ZNF157: variants seen among roughly 807,000 people sequenced by gnomAD.
ZNF157 encodes the protein zinc finger protein 157.
Under a neutral mutation model 9.4 loss-of-function variants are expected in ZNF157, and 8 were observed. The ratio of observed to expected loss-of-function variants is 0.85; its 90% confidence interval spans 0.50 to 1.53. ZNF157 has a LOEUF of 1.53. Ranked by LOEUF, ZNF157 falls within the 40% of genes most tolerant of loss-of-function variation. ZNF157 has a pLI of 0.00. For synonymous variants in ZNF157, 120 were observed against 130.8 expected (o/e 0.92, Z 0.56); for missense variants, 316 against 385.2 (o/e 0.82, Z 1.50).
At chrX:47,378,045 A>G (rs2055850262) in intron 1 of ZNF157, among the ~76,000 whole-genome samples, 1 of 111,481 alleles carries the variant, frequency 9.0e-6, no homozygotes, top group Admixed American at 9.7e-5. Flanking sequence ...AGAAAGAATA[A>G]TTCACGCAGA....
chrX:47,382,726 A>G (rs1238741804), intron 1 of ZNF157, among the ~76,000 whole-genome samples: 1 of 109,196 alleles, frequency 9.2e-6, no homozygotes, highest in African/African-American at 3.3e-5. Context: ...TAAGTATAGG[A>G]CTGTGTAACA....
At chrX:47,371,132 G>A (rs1381669851) in intron 1 of ZNF157, among the ~76,000 whole-genome samples, 1 of 111,347 alleles carries the variant, frequency 9.0e-6, no homozygotes, top group East Asian at 2.8e-4. Context: ...GCGGCCAGGA[G>A]TTTGAGACCA....
Position 47,413,736 on chromosome X carries a change from G to T in ZNF157, c.*142G>T. 4 of 985,356 alleles carry T rather than the reference G, an allele frequency of 4.1e-6. No homozygotes were observed. Among genetic ancestry groups the T allele is most frequent in the Non-Finnish European group, 5.3e-6 (4 of 752,794 alleles). 81.2% of individuals were successfully genotyped at this position (985,356 alleles called of 1,213,427 possible). A position where few individuals can be genotyped will look rare whatever the true frequency, so the allele number is the denominator to read the frequency against. On this transcript the variant is annotated 3_prime_UTR_variant, in exon 4 of 4. Transcript: ENST00000377073. ...GGGGATAGCTCATTGTTTTTATTCA[G>T]ATTTCCCTAATTAGTGGTGTGTGAA...
At chrX:47,384,258 T>C (rs2055873032) in intron 1 of ZNF157, among the ~76,000 whole-genome samples, 1 of 111,605 alleles carries the variant, frequency 9.0e-6, no homozygotes, top group Non-Finnish European at 1.9e-5. Context: ...AAATAAGTTT[T>C]TTTTAAAAAA....
chrX:47,377,624 G>T (rs1255546029), intron 1 of ZNF157, among the ~76,000 whole-genome samples: 2 of 108,267 alleles, frequency 1.8e-5, no homozygotes, highest in Admixed American at 1.0e-4. Context: ...TAGAAATGGG[G>T]TTTCACCATG....
chrX:47,371,937 G>T (rs1456129377), intron 1 of ZNF157, among the ~76,000 whole-genome samples: 2 of 111,642 alleles, frequency 1.8e-5, no homozygotes, highest in Non-Finnish European at 3.8e-5. Flanking sequence ...CTTTTCCATC[G>T]CATGGATGTA....
chrX:47,406,274 C>T (rs189219252), intron 1 of ZNF157, among the ~76,000 whole-genome samples: 12 of 109,610 alleles, frequency 1.1e-4, no homozygotes, highest in Admixed American at 9.9e-4. Context: ...CGTATTTATT[C>T]GCGTTACTGT....
rs933505446 is a variant in ZNF157 at position 47,397,484 on chromosome X, G to A, written c.73-12792G>A. Among the ~76,000 whole-genome samples the A allele has an allele frequency of 5.6e-5, 6 of 107,567 alleles. No homozygotes were observed. In the Admixed American group the frequency reaches 6.0e-4, roughly 11 times the overall value. 93.4% of individuals were successfully genotyped at this position (107,567 alleles called of 115,157 possible). A position where few individuals can be genotyped will look rare whatever the true frequency, so the allele number is the denominator to read the frequency against. ...GCTGGGAGTGCAGTAGCACAATCTC[G>A]GCTCACTGCAACCTCCGCCTCCTGG... On this transcript the variant is annotated intron_variant, in intron 1 of 3. Coordinates refer to ENST00000377073, the MANE Select transcript of ZNF157 (RefSeq NM_003446.4).
chrX:47,396,863 A>T (rs144045298), intron 1 of ZNF157, among the ~76,000 whole-genome samples: 2,789 of 112,063 alleles, frequency 0.025, 78 homozygotes, highest in African/African-American at 0.085. Context: ...GAGCAAAGTC[A>T]CATCTTACAT....
intron 1 of ZNF157, among the ~76,000 whole-genome samples, chrX:47,398,738 A>G (rs1487665211): frequency 9.2e-6 from 1 of 108,153 alleles, no homozygotes; most frequent in African/African-American, 3.4e-5. Context: ...CTGGAATGCA[A>G]TGGTGCGATC....
intron 1 of ZNF157, among the ~76,000 whole-genome samples, chrX:47,403,077 A>G (rs2055935538): frequency 9.7e-6 from 1 of 102,698 alleles, no homozygotes; most frequent in African/African-American, 3.5e-5. Flanking sequence ...CCTGGCCAAC[A>G]TGGTGAAACC....
At chrX:47,384,642 A>G (rs1048502754) in intron 1 of ZNF157, among the ~76,000 whole-genome samples, 25 of 112,536 alleles carry the variant, frequency 2.2e-4, no homozygotes, top group Non-Finnish European at 3.9e-4. Context: ...CCGCACAGAC[A>G]GATTACCTGT....
chrX:47,375,428 A>T (rs2147399808), intron 1 of ZNF157, among the ~76,000 whole-genome samples: 1 of 110,683 alleles, frequency 9.0e-6, no homozygotes, highest in Non-Finnish European at 1.9e-5. Context: ...TTTCCCTATT[A>T]TTCACATCTT....
chrX:47,412,266 A>C, intron 3 of ZNF157, 103 bp from the exon 4 acceptor site: 1 of 718,697 alleles, frequency 1.4e-6, no homozygotes, highest in Non-Finnish European at 2.0e-6. Context: ...GCTGGAATAG[A>C]GTTTTAAAGG....
intron 1 of ZNF157, 67 bp from the exon 2 acceptor site, chrX:47,410,209 G>A: frequency 8.4e-7 from 1 of 1,194,142 alleles, no homozygotes; most frequent in South Asian, 1.8e-5. Flanking sequence ...GGGCTCCATT[G>A]AGAAGATTAG....
intron 1 of ZNF157, among the ~76,000 whole-genome samples, chrX:47,400,751 G>A (rs2055928232): frequency 9.0e-6 from 1 of 111,638 alleles, no homozygotes; most frequent in Admixed American, 9.6e-5. Context: ...GACCTCCTAG[G>A]CTCAGGCGAT....
chrX:47,395,241 C>T (rs1439542862), intron 1 of ZNF157, among the ~76,000 whole-genome samples: 1 of 109,995 alleles, frequency 9.1e-6, no homozygotes, highest in Non-Finnish European at 1.9e-5. Context: ...AAGAAATGGG[C>T]GTCTTGCTAT....
chrX:47,373,705 GTT>G (rs772657775), intron 1 of ZNF157, among the ~76,000 whole-genome samples: 3,279 of 94,260 alleles, frequency 0.035, 160 homozygotes, highest in African/African-American at 0.12. Flanking sequence ...ATTTCCCTGA[GTT>G]TTTTTTTTTT....
At chrX:47,395,326 A>G (rs941208237) in intron 1 of ZNF157, among the ~76,000 whole-genome samples, 7 of 111,960 alleles carry the variant, frequency 6.3e-5, no homozygotes, top group Non-Finnish European at 9.4e-5. Context: ...CTGGGGCTAC[A>G]GGTGTATGTC....
Sources: gnomAD v4.1 joint callset for allele counts (sites outside exome capture counted in the v4.1 genomes callset) on GRCh38, gnomAD v4.1.1 for gene constraint, MANE v1.5 for transcripts, NCBI Gene and HGNC (gene_info 2026-07-23, HGNC 2026-07-21) for gene names.